NIPAL4: variants seen among roughly 807,000 people sequenced by gnomAD.
NIPAL4 encodes NIPA like domain containing 4.
In NIPAL4, 21 loss-of-function variants were observed where a neutral mutation model predicts 31.6. That is an observed-to-expected ratio of 0.67 (90% CI 0.47 to 0.96). The LOEUF (loss-of-function observed/expected upper bound fraction) is 0.96. Ranked by LOEUF, NIPAL4 falls within the 40% of genes least tolerant of loss-of-function variation. NIPAL4 has a pLI of 0.00. For synonymous variants in NIPAL4, 175 were observed against 211.1 expected (o/e 0.83, Z 1.48); for missense variants, 438 against 508.0 (o/e 0.86, Z 1.32).
In NIPAL4 at chr5:157,468,821, C is replaced by A. The variant is rs577310594; in HGVS notation, c.425+9C>A. On this transcript the variant is annotated intron_variant, in intron 4 of 5. Transcript: ENST00000311946. ...CTGAGTGTCCTCATAAGGTTATTGT[C>A]CCCTCTCTAGCTCTCTCTTTTTCTA... The A allele has an allele frequency of 2.0e-5, 32 of 1,568,706 alleles. No homozygotes were observed. The East Asian group carries it at 2.9e-4, about 14-fold the overall frequency.
Position 157,472,848 on chromosome 5 carries a change from C to A in NIPAL4, c.1103C>A (p.Pro368Gln). ...MHKNPPPSPA[P>Q]EPTVIRLEDK... ...AAAAACCCACCCCCTTCTCCCGCCC[C>A]GGAACCCACTGTTATTAGACTGGAA... The change falls in exon 6 of 6, where the codon CCG (proline) becomes CAG (glutamine). Residue 368 changes from proline to glutamine, a missense_variant. Coordinates refer to ENST00000311946, the MANE Select transcript of NIPAL4 (RefSeq NM_001099287.2). 3 of 1,582,948 alleles carry A rather than the reference C, an allele frequency of 1.9e-6. No individual in the cohort carries two copies. Among genetic ancestry groups the A allele is most frequent in the Non-Finnish European group, 2.6e-6 (3 of 1,161,956 alleles).
intron 2 of NIPAL4, among the ~76,000 whole-genome samples, chr5:157,466,491 A>G (rs1754276328): frequency 6.6e-6 from 1 of 152,246 alleles, no homozygotes; most frequent in Admixed American, 6.5e-5. Flanking sequence ...TAAAGGGCCA[A>G]GAGTGGAACC....
At chr5:157,466,960 G>C in intron 2 of NIPAL4, 89 bp from the exon 3 acceptor site, 1 of 975,940 alleles carries the variant, frequency 1.0e-6, no homozygotes. Flanking sequence ...GCAGCCCTTA[G>C]AGGCCGGGGA....
intron 2 of NIPAL4, among the ~76,000 whole-genome samples, chr5:157,466,454 G>C (rs1432722102): frequency 6.6e-6 from 1 of 152,204 alleles, no homozygotes; most frequent in African/African-American, 2.4e-5. Flanking sequence ...AAGACGACTG[G>C]CTGCCATGAA....
chr5:157,474,147 C>T lies in NIPAL4; in HGVS notation c.*1187C>T, dbSNP rs1224630112. Reference sequence around the variant, plus strand: ...ATTCTAGCTGTTGACCAGATTGCTACCGAGTCCCCTCCTCCACTGATGAGC... The same window carrying T: ...ATTCTAGCTGTTGACCAGATTGCTATCGAGTCCCCTCCTCCACTGATGAGC... On this transcript the variant is annotated 3_prime_UTR_variant, in exon 6 of 6. Transcript: ENST00000311946. 6.6e-6 allele frequency: 1 copy of T among 152,318 alleles called. No homozygotes were observed. Among genetic ancestry groups the T allele is most frequent in the African/African-American group, 2.4e-5 (1 of 41,434 alleles). The allele number at this position is 152,318 out of a possible 1,614,324, so 9.4% of individuals were successfully genotyped here.
chr5:157,472,173 C>A (rs898966775), intron 5 of NIPAL4, among the ~76,000 whole-genome samples, 159 bp from the exon 6 acceptor site: 6 of 152,000 alleles, frequency 3.9e-5, no homozygotes, highest in African/African-American at 1.5e-4. Flanking sequence ...AAAAACCTAA[C>A]CAAGTTATTA....
intron 2 of NIPAL4, 62 bp downstream of exon 2, chr5:157,463,395 G>A: frequency 1.3e-6 from 2 of 1,516,098 alleles, no homozygotes; most frequent in Non-Finnish European, 1.8e-6. Flanking sequence ...AAGGTCCGGG[G>A]CTGTAGTCTA....
At chr5:157,466,399 C>A (rs1196719921) in intron 2 of NIPAL4, among the ~76,000 whole-genome samples, 1 of 152,154 alleles carries the variant, frequency 6.6e-6, no homozygotes, top group Non-Finnish European at 1.5e-5. Context: ...GAAGCCATTG[C>A]CAGCCATAAG....
chr5:157,460,475 G>A (rs1754063429), intron 1 of NIPAL4, 118 bp downstream of exon 1: 1 of 1,026,006 alleles, frequency 9.7e-7, no homozygotes. Context: ...GAGGGGCAGG[G>A]CCAGCACGAG....
chr5:157,466,545 A>G (rs1754278021), intron 2 of NIPAL4, among the ~76,000 whole-genome samples: 2 of 152,236 alleles, frequency 1.3e-5, no homozygotes, highest in Admixed American at 1.3e-4. Flanking sequence ...TGAAGCAGGG[A>G]TAACAGTGCC....
intron 4 of NIPAL4, among the ~76,000 whole-genome samples, chr5:157,470,084 T>C (rs1561830730): frequency 6.6e-6 from 1 of 152,160 alleles, no homozygotes; most frequent in Non-Finnish European, 1.5e-5. Flanking sequence ...AGAGCTTAGA[T>C]ATCAATCTCC....
intron 2 of NIPAL4, among the ~76,000 whole-genome samples, chr5:157,465,744 C>A (rs929984558): frequency 1.3e-5 from 2 of 152,176 alleles, no homozygotes; most frequent in African/African-American, 2.4e-5. Flanking sequence ...GTAATCCCAG[C>A]ACTTTGGGAG....
rs77011229 is a variant in NIPAL4 at position 157,463,515 on chromosome 5, G to T, written c.277+182G>T. ...TATAAAGGAAGGCCTCCAATAGGAG[G>T]TCTCAGTTTAGAGAGCAAACAGGAT... On this transcript the variant is annotated intron_variant, in intron 2 of 5. Coordinates refer to ENST00000311946, the MANE Select transcript of NIPAL4 (RefSeq NM_001099287.2). Among the ~76,000 whole-genome samples, 1,192 of 152,322 alleles carry T rather than the reference G, an allele frequency of 7.8e-3. 10 individuals carry two copies. Among genetic ancestry groups the T allele is most frequent in the African/African-American group, 0.026 (1,097 of 41,560 alleles).
At chr5:157,471,535 C>T (rs930122915) in intron 4 of NIPAL4, 122 bp from the exon 5 acceptor site, 6 of 731,710 alleles carry the variant, frequency 8.2e-6, no homozygotes, top group African/African-American at 5.3e-5. Context: ...AAACCTTCCA[C>T]GTGAGAAACT....
intron 1 of NIPAL4, 28 bp from the exon 2 acceptor site, chr5:157,463,066 A>G: frequency 6.2e-7 from 1 of 1,612,120 alleles, no homozygotes; most frequent in South Asian, 1.1e-5. Flanking sequence ...CCCCAGTGTG[A>G]CTCTCTCACT....
rs758037159 is a variant in NIPAL4, at chr5:157,463,309, G to A, written c.253G>A (p.Val85Met). The A allele has an allele frequency of 3.7e-5, 60 of 1,611,008 alleles. No individual in the cohort carries two copies. Among genetic ancestry groups the A allele is most frequent in the Middle Eastern group, 3.3e-4 (2 of 5,988 alleles). Residue 85 changes from valine to methionine, a missense_variant, in exon 2 of 6, where the codon GTG becomes ATG. Transcript: ENST00000311946. Reference sequence around the variant, plus strand: ...CAAGAAGAAAGGCCTCTTGCGACTCGTGGCCACGGGAGCCACTCGAGCTGG... The same window carrying A: ...CAAGAAGAAAGGCCTCTTGCGACTCATGGCCACGGGAGCCACTCGAGCTGG... Reference protein sequence around the residue: ...ILKKKGLLRLVATGATRAVDG... With the variant: ...ILKKKGLLRLMATGATRAVDG...
At chr5:157,466,985 A>T in intron 2 of NIPAL4, 64 bp from the exon 3 acceptor site, 1 of 1,247,336 alleles carries the variant, frequency 8.0e-7, no homozygotes, top group Non-Finnish European at 1.2e-6. Flanking sequence ...GCAGAGAGTT[A>T]GGAAAGGTAC....
At chr5:157,465,879 G>C (rs1286655949) in intron 2 of NIPAL4, among the ~76,000 whole-genome samples, 1 of 152,140 alleles carries the variant, frequency 6.6e-6, no homozygotes, top group African/African-American at 2.4e-5. Context: ...ACTAGTCCCA[G>C]CTACTCAGGA....
chr5:157,461,093 TG>T (rs35193409), intron 1 of NIPAL4, among the ~76,000 whole-genome samples: 17,110 of 152,210 alleles, frequency 0.11, 1,138 homozygotes, highest in Middle Eastern at 0.16. Context: ...TACCTTGTCT[TG>T]GAACTGCAGG....
Sources: allele counts gnomAD v4.1 joint callset (sites outside exome capture counted in the v4.1 genomes callset), GRCh38; gene constraint gnomAD v4.1.1; transcripts MANE v1.5; gene names NCBI Gene and HGNC (gene_info 2026-07-23, HGNC 2026-07-21).